PPP1R14C: variants seen among roughly 807,000 people sequenced by gnomAD.
PPP1R14C encodes the protein protein phosphatase 1 regulatory subunit 14C.
Under a neutral mutation model 20.4 loss-of-function variants are expected in PPP1R14C, and 16 were observed. That is an observed-to-expected ratio of 0.78 (90% CI 0.53 to 1.19). The LOEUF is 1.19. PPP1R14C is among the 50% of genes most tolerant of loss of function. PPP1R14C has a pLI of 0.00. For missense variants in PPP1R14C, 211 were observed against 220.1 expected (o/e 0.96, Z 0.26); for synonymous variants, 91 against 91.0 (o/e 1.00, Z 0.00).
chr6:150,229,775 T>A (rs1778272106), intron 3 of PPP1R14C, among the ~76,000 whole-genome samples: 1 of 152,166 alleles, frequency 6.6e-6, no homozygotes, highest in African/African-American at 2.4e-5. Context: ...CCCTTACCCA[T>A]AACAGATCCA....
intron 3 of PPP1R14C, among the ~76,000 whole-genome samples, chr6:150,229,200 G>A (rs1778264119): frequency 6.6e-6 from 1 of 152,150 alleles, no homozygotes; most frequent in Non-Finnish European, 1.5e-5. Context: ...CAAAAGCCCG[G>A]AAATGGGTTT....
At position 150,143,167 on chromosome 6, in the gene PPP1R14C, G is replaced by T. The variant is rs1208334901; in HGVS notation, c.-26G>T. On this transcript the variant is annotated 5_prime_UTR_variant, in exon 1 of 4. Transcript: ENST00000361131. The surrounding 1 kb of genome is among the most constrained non-coding windows in gnomAD (Gnocchi z 5.6). ...GCTCCGCCCGCCCCTCCTCCGGGCC[G>T]CACTGAGGCTCGGGCGCGCGGGGAC... is the stretch of plus-strand genomic sequence containing the variant. The T allele has an allele frequency of 1.5e-6, 2 of 1,300,132 alleles. No homozygotes were observed. The highest frequency in any genetic ancestry group is 2.4e-5 in the South Asian group (1 of 42,354). 80.5% of individuals were successfully genotyped at this position (1,300,132 alleles called of 1,614,324 possible).
At chr6:150,176,448 T>C (rs974504939) in intron 1 of PPP1R14C, among the ~76,000 whole-genome samples, 2 of 152,252 alleles carry the variant, frequency 1.3e-5, no homozygotes, top group Non-Finnish European at 2.9e-5. Context: ...CTTCATTGTA[T>C]GTCTCAGCGT....
rs552541686 is a variant in PPP1R14C, at chr6:150,227,145, T to C, written c.423+10289T>C. ...TACATGGAAGTACATTCCTTCTGCA[T>C]TGAGCTGTTTACAGTGTAGAGAGAA... On this transcript the variant is annotated intron_variant, in intron 3 of 3. Coordinates refer to ENST00000361131, the MANE Select transcript of PPP1R14C (RefSeq NM_030949.3). Among the ~76,000 whole-genome samples the C allele has an allele frequency of 8.5e-5, 13 of 152,346 alleles. 1 individual carries two copies. Among genetic ancestry groups the C allele is most frequent in the East Asian group, 3.9e-4 (2 of 5,182 alleles).
At chr6:150,195,741 A>ATT in intron 1 of PPP1R14C, 3 of 581,460 alleles carry the variant, frequency 5.2e-6, no homozygotes, top group Non-Finnish European at 6.5e-6. Context: ...TACATTTACT[A>ATT]TTTTTTTTTG....
At chr6:150,205,787 G>A (rs538304393) in intron 1 of PPP1R14C, among the ~76,000 whole-genome samples, 14 of 130,864 alleles carry the variant, frequency 1.1e-4, no homozygotes, top group Admixed American at 6.0e-4. Context: ...ATGAGCCTCC[G>A]TCTCAAAAAA....
At chr6:150,149,669 C>T (rs949741841) in intron 1 of PPP1R14C, among the ~76,000 whole-genome samples, 5 of 152,078 alleles carry the variant, frequency 3.3e-5, no homozygotes, top group African/African-American at 1.2e-4. Context: ...ATTGGTGAGA[C>T]ACCAAGCATA....
chr6:150,246,791 A>G (rs888554561), intron 3 of PPP1R14C, among the ~76,000 whole-genome samples: 12 of 152,218 alleles, frequency 7.9e-5, no homozygotes, highest in African/African-American at 2.7e-4. Flanking sequence ...AGATTGTATA[A>G]CATCCTTACA....
chr6:150,175,718 CTAACCCAGTGTTATTGGATAACA>C (rs1777554189), intron 1 of PPP1R14C, among the ~76,000 whole-genome samples: 1 of 152,200 alleles, frequency 6.6e-6, no homozygotes, highest in African/African-American at 2.4e-5. Flanking sequence ...TTGACAGTAT[CTAACCCAGTGTTATTGGATAACA>C]TAACCCATGG....
chr6:150,216,143 T>C (rs894036286), intron 2 of PPP1R14C, among the ~76,000 whole-genome samples: 18 of 152,242 alleles, frequency 1.2e-4, no homozygotes, highest in African/African-American at 4.3e-4. Flanking sequence ...ACCTAATGGA[T>C]GCTTGAGCAT....
At chr6:150,214,094 G>A (rs928851086) in intron 1 of PPP1R14C, among the ~76,000 whole-genome samples, 2 of 152,208 alleles carry the variant, frequency 1.3e-5, no homozygotes, top group African/African-American at 4.8e-5. Flanking sequence ...TGTAAAAACA[G>A]CGCCTTTTCC....
chr6:150,176,268 A>G (rs1777561672), intron 1 of PPP1R14C, among the ~76,000 whole-genome samples: 1 of 152,218 alleles, frequency 6.6e-6, no homozygotes, highest in African/African-American at 2.4e-5. Context: ...CCATCTTCTC[A>G]ACGGGAGTGC....
intron 3 of PPP1R14C, among the ~76,000 whole-genome samples, chr6:150,243,590 T>C (rs1778457696): frequency 6.6e-6 from 1 of 152,226 alleles, no homozygotes; most frequent in South Asian, 2.1e-4. Context: ...TATAAATAAA[T>C]CTGTACTTTT....
intron 1 of PPP1R14C, among the ~76,000 whole-genome samples, chr6:150,157,431 A>T (rs775994484): frequency 1.3e-5 from 2 of 151,290 alleles, no homozygotes; most frequent in African/African-American, 2.5e-5. Context: ...TTGTCTCATT[A>T]TCTCATTTCA....
chr6:150,159,164 C>T (rs1247856470), intron 1 of PPP1R14C, among the ~76,000 whole-genome samples: 1 of 152,230 alleles, frequency 6.6e-6, no homozygotes, highest in East Asian at 1.9e-4. Context: ...TCTCCGGTAT[C>T]ATCAGCCATT....
intron 1 of PPP1R14C, among the ~76,000 whole-genome samples, chr6:150,171,138 A>C (rs1322457011): frequency 6.6e-6 from 1 of 152,152 alleles, no homozygotes; most frequent in African/African-American, 2.4e-5. Context: ...ATGAGGGTCC[A>C]CTCAAGGTGC....
chr6:150,170,927 T>A (rs866376371), intron 1 of PPP1R14C, among the ~76,000 whole-genome samples: 1 of 152,056 alleles, frequency 6.6e-6, no homozygotes, highest in African/African-American at 2.4e-5. Flanking sequence ...ATTTAAAAAA[T>A]TTTAAATCTG....
chr6:150,240,114 C>A (rs9371362), intron 3 of PPP1R14C, among the ~76,000 whole-genome samples: 5,825 of 152,082 alleles, frequency 0.038, 132 homozygotes, highest in East Asian at 0.1. Flanking sequence ...AAAGCCGATT[C>A]TTTGAAAAGG....
intron 1 of PPP1R14C, among the ~76,000 whole-genome samples, chr6:150,167,940 T>G (rs372526652): frequency 9.0e-4 from 1 of 1,112 alleles, no homozygotes. Flanking sequence ...TCTCCATGTC[T>G]CCGTTCTCCC....
Sources: gnomAD v4.1 joint callset for allele counts (sites outside exome capture counted in the v4.1 genomes callset) on GRCh38, gnomAD v4.1.1 for gene constraint, Gnocchi (gnomAD v3.1) non-coding constraint, MANE v1.5 for transcripts, NCBI Gene and HGNC (gene_info 2026-07-23, HGNC 2026-07-21) for gene names.